IDE: variants seen among roughly 807,000 people sequenced by gnomAD.
The protein encoded by IDE is insulin degrading enzyme, also known as insulin-degrading enzyme.
Under a neutral mutation model 133.2 loss-of-function variants are expected in IDE, and 58 were observed. The observed-to-expected ratio is 0.44, with a 90% confidence interval of 0.35 to 0.54. The LOEUF (loss-of-function observed/expected upper bound fraction) is 0.54, where lower values mean the gene tolerates loss of function less well. Among genes scored for constraint, IDE ranks in the 20% least tolerant of loss-of-function variants. The pLI, the probability that IDE is intolerant of heterozygous loss-of-function variation, is 0.00. For synonymous variants in IDE, 396 were observed against 421.3 expected (o/e 0.94, Z 0.73); for missense variants, 981 against 1,234.0 (o/e 0.79, Z 3.07).
chr10:92,510,140 A>G lies in IDE; in HGVS notation c.807T>C (p.Asn269=). ...LGRESLDDLT[N]LVVKLFSEVE... is the part of the protein sequence containing the mutation. Reference sequence around the variant, plus strand: ...CTTCAGAAAATAACTTTACCACCAGATTAGTCAAGTCATCTAAAGATTCTA... The same window carrying G: ...CTTCAGAAAATAACTTTACCACCAGGTTAGTCAAGTCATCTAAAGATTCTA... Residue 269 remains asparagine, a synonymous_variant, in exon 6 of 25, where the codon AAT becomes AAC. Transcript: ENST00000265986. The G allele has an allele frequency of 6.3e-7, 1 of 1,581,794 alleles. No homozygotes were observed. The highest frequency in any genetic ancestry group is 8.7e-7 in the Non-Finnish European group (1 of 1,154,120).
chr10:92,568,985 T>C (rs1393124938), intron 1 of IDE, among the ~76,000 whole-genome samples: 13 of 152,126 alleles, frequency 8.5e-5, no homozygotes, highest in Non-Finnish European at 2.9e-5. Context: ...CTCTGGCATG[T>C]ACAATATTAA....
Position 92,573,772 on chromosome 10 carries a change from A to G in IDE, c.98+150T>C, listed in dbSNP as rs1336198140. 8.6e-5 allele frequency: 49 copies of G among 572,038 alleles called. 1 individual carries two copies. In the South Asian group the frequency reaches 1.3e-3, roughly 16 times the overall value. The allele number at this position is 572,038 out of a possible 1,614,324, so 35.4% of individuals were successfully genotyped here. A position where few individuals can be genotyped will look rare whatever the true frequency, so the allele number is the denominator to read the frequency against. ...CTCTTCCGGGCCCTGGGGCGGCCTC[A>G]GCGCGGCAGTACGGGCCCCAGGCCG... On this transcript the variant is annotated intron_variant, in intron 1 of 24. Coordinates refer to ENST00000265986, the MANE Select transcript of IDE (RefSeq NM_004969.4).
intron 1 of IDE, among the ~76,000 whole-genome samples, chr10:92,542,282 G>T (rs749050149): frequency 3.9e-5 from 6 of 152,276 alleles, no homozygotes; most frequent in Non-Finnish European, 8.8e-5. Context: ...AGCCTCCCCA[G>T]TAGCTGGGAC....
chr10:92,537,612 C>T (rs1204665404), intron 1 of IDE, 62 bp from the exon 2 acceptor site: 6 of 1,251,610 alleles, frequency 4.8e-6, no homozygotes, highest in African/African-American at 4.5e-5. Flanking sequence ...CAAACAATAA[C>T]GTCAAGTAAA....
At chr10:92,480,874 G>A in intron 14 of IDE, 1 of 893,078 alleles carries the variant, frequency 1.1e-6, no homozygotes, top group South Asian at 5.1e-5. Context: ...GATTACAGGT[G>A]TGAGCTATCG....
intron 13 of IDE, among the ~76,000 whole-genome samples, chr10:92,484,043 T>C (rs878999554): frequency 7.9e-5 from 12 of 152,132 alleles, no homozygotes; most frequent in African/African-American, 2.9e-4. Flanking sequence ...GCCAACAGCT[T>C]GACTATAACC....
At chr10:92,518,019 C>CT (rs1305568858) in intron 4 of IDE, among the ~76,000 whole-genome samples, 2 of 152,066 alleles carry the variant, frequency 1.3e-5, no homozygotes, top group African/African-American at 2.4e-5. Flanking sequence ...CTCACTCTAC[C>CT]TGAGGGGTCC....
chr10:92,468,817 G>A, intron 19 of IDE, 62 bp downstream of exon 19: 1 of 835,682 alleles, frequency 1.2e-6, no homozygotes, highest in Non-Finnish European at 2.1e-6. Context: ...CAGCCCACCT[G>A]TAATCACCCA....
intron 1 of IDE, among the ~76,000 whole-genome samples, chr10:92,560,331 A>C (rs1326146512): frequency 1.3e-5 from 2 of 152,122 alleles, no homozygotes; most frequent in Non-Finnish European, 2.9e-5. Context: ...ATGTGACCTG[A>C]CTGACCAGAA....
intron 11 of IDE, among the ~76,000 whole-genome samples, chr10:92,492,729 C>T (rs929914247): frequency 3.3e-5 from 5 of 152,210 alleles, no homozygotes; most frequent in Non-Finnish European, 7.3e-5. Flanking sequence ...TACTTGCAAT[C>T]AAAACTCCCC....
At chr10:92,483,901 C>G (rs1471645692) in intron 13 of IDE, among the ~76,000 whole-genome samples, 1 of 152,208 alleles carries the variant, frequency 6.6e-6, no homozygotes, top group Non-Finnish European at 1.5e-5. Flanking sequence ...TTGGGGGAAG[C>G]CTGCTGCCAT....
chr10:92,458,492 T>TTTG (rs1845159066), intron 22 of IDE, among the ~76,000 whole-genome samples: 1 of 57,184 alleles, frequency 1.7e-5, no homozygotes, highest in South Asian at 1.1e-3. Flanking sequence ...CTCTCTCTGT[T>TTTG]TTTTTTTTTT....
intron 4 of IDE, among the ~76,000 whole-genome samples, chr10:92,522,683 A>C (rs1246422128): frequency 6.6e-6 from 1 of 152,180 alleles, no homozygotes; most frequent in Non-Finnish European, 1.5e-5. Context: ...AAAAGCTCCA[A>C]ATCTGGGCAC....
At chr10:92,564,953 G>C (rs919721605) in intron 1 of IDE, among the ~76,000 whole-genome samples, 2 of 151,848 alleles carry the variant, frequency 1.3e-5, no homozygotes, top group Non-Finnish European at 2.9e-5. Context: ...AAGAGATCAA[G>C]AAATAACAGT....
At chr10:92,567,201 ATGCCTTT>A (rs1843596972) in intron 1 of IDE, among the ~76,000 whole-genome samples, 1 of 152,142 alleles carries the variant, frequency 6.6e-6, no homozygotes, top group South Asian at 2.1e-4. Flanking sequence ...TTCTCTTGGT[ATGCCTTT>A]GGAAAACCTG....
At chr10:92,546,787 T>C (rs1842550160) in intron 1 of IDE, among the ~76,000 whole-genome samples, 1 of 152,162 alleles carries the variant, frequency 6.6e-6, no homozygotes, top group Non-Finnish European at 1.5e-5. Context: ...AGTTAAGATC[T>C]AAAAATAAAA....
At chr10:92,470,211 T>C in intron 18 of IDE, 43 bp downstream of exon 18, 2 of 1,304,318 alleles carry the variant, frequency 1.5e-6, no homozygotes, top group Non-Finnish European at 2.2e-6. Context: ...AAAAAATATC[T>C]TGCAATGATC....
At chr10:92,514,244 C>T (rs1041437711) in intron 5 of IDE, among the ~76,000 whole-genome samples, 6 of 152,122 alleles carry the variant, frequency 3.9e-5, no homozygotes, top group Admixed American at 6.5e-5. Context: ...GCAACACCAT[C>T]GGCAGTGGGT....
At chr10:92,569,058 T>C (rs1843677431) in intron 1 of IDE, among the ~76,000 whole-genome samples, 1 of 152,156 alleles carries the variant, frequency 6.6e-6, no homozygotes. Flanking sequence ...ACAATGTTTT[T>C]AAAAATTATT....
Sources: allele counts gnomAD v4.1 joint callset (sites outside exome capture counted in the v4.1 genomes callset), GRCh38; gene constraint gnomAD v4.1.1; transcripts MANE v1.5; gene names NCBI Gene and HGNC (gene_info 2026-07-23, HGNC 2026-07-21).